The following SETD7 variants were observed in gnomAD, a reference collection of about 807,000 sequenced individuals.
SETD7 encodes histone-lysine N-methyltransferase SETD7.
SETD7 carries 16 observed loss-of-function variants against 41.8 expected under a neutral mutation model. The observed-to-expected ratio is 0.38, with a 90% confidence interval of 0.26 to 0.58. The LOEUF (loss-of-function observed/expected upper bound fraction) is 0.58, where lower values mean the gene tolerates loss of function less well. Among genes scored for constraint, SETD7 ranks in the 20% least tolerant of loss-of-function variants. SETD7 has a pLI of 0.64. For synonymous variants in SETD7, 163 were observed against 169.7 expected, an observed-to-expected ratio of 0.96 and a Z score of 0.31; for missense variants, 346 against 459.7, an observed-to-expected ratio of 0.75 and a Z score of 2.26.
At chr4:139,506,021 A>G (rs749521409), downstream of SETD7, 1 of 152,686 alleles carries the variant, frequency 6.5e-6, no homozygotes, top group East Asian at 1.9e-4. Context: ...AGATGACCAA[A>G]GGAAGACAAT....
intron 7 of SETD7, among the ~76,000 whole-genome samples, chr4:139,498,948 T>C (rs2592965): frequency 2.0e-5 from 3 of 152,180 alleles, no homozygotes; most frequent in African/African-American, 7.2e-5. Flanking sequence ...CTGTCTCTTT[T>C]ACAAATACAA....
At chr4:139,503,114 G>T (rs1726619045), downstream of SETD7, among the ~76,000 whole-genome samples, 1 of 141,414 alleles carries the variant, frequency 7.1e-6, no homozygotes, top group Admixed American at 7.7e-5. Flanking sequence ...GGAGGTGGAG[G>T]TTGCAGTGAG....
At chr4:139,536,537 C>T (rs1353853367) in intron 2 of SETD7, among the ~76,000 whole-genome samples, 1 of 152,006 alleles carries the variant, frequency 6.6e-6, no homozygotes, top group Non-Finnish European at 1.5e-5. Context: ...CATGGTGAAA[C>T]CCCAGCTCTA....
chr4:139,553,099 A>T (rs1728155679), intron 1 of SETD7, among the ~76,000 whole-genome samples: 1 of 152,174 alleles, frequency 6.6e-6, no homozygotes, highest in African/African-American at 2.4e-5. Context: ...CCACAAGAGC[A>T]CAGCCAACAC....
At position 139,518,023 on chromosome 4, in the gene SETD7, G is replaced by A. The variant is rs528763747; in HGVS notation, c.782C>T (p.Ala261Val). 2.5e-6 allele frequency: 4 copies of A among 1,613,224 alleles called. No homozygotes were observed. The African/African-American group carries it at 5.3e-5, about 22-fold the overall frequency. Reference protein sequence around the residue: ...THQEVDSRDWALNGNTLSLDE... With the variant: ...THQEVDSRDWVLNGNTLSLDE... Reference sequence around the variant, plus strand: ...AAGGGAGAGGGTGTTCCCATTAAGGGCCCAGTCCCTGCTGTCAACCTGCAG... The same window carrying A: ...AAGGGAGAGGGTGTTCCCATTAAGGACCCAGTCCCTGCTGTCAACCTGCAG... The change falls in exon 7 of 8, where the codon GCC (alanine) becomes GTC (valine). Residue 261 changes from alanine to valine, a missense_variant. Ala to Val is a moderately conservative substitution (Grantham distance 64). Around this residue, in one of 3 missense-constraint regions of SETD7, gnomAD observed 266 missense variants for 377.0 expected, o/e 0.71. Transcript: ENST00000274031.
Position 139,529,057 on chromosome 4 carries a change from C to G in SETD7, c.536G>C (p.Arg179Thr). 4.3e-6 allele frequency: 7 copies of G among 1,613,928 alleles called. No homozygotes were observed. The highest frequency in any genetic ancestry group is 1.6e-4 in the Middle Eastern group (1 of 6,062). Residue 179 changes from arginine to threonine, a missense_variant, in exon 4 of 8, where the codon AGG becomes ACG. By Grantham distance (71) the Arg-to-Thr change is moderately conservative (BLOSUM62 -1). This residue lies in a region of SETD7 where 266 missense variants were observed against 377.0 expected (regional missense o/e 0.71). Coordinates refer to ENST00000274031, the MANE Select transcript of SETD7 (RefSeq NM_030648.4). ...LATLMSTEEG[R>T]PHFELMPGNS... ...TCCAGGCATCAGTTCAAAGTGAGGC[C>G]TCCCTTCTTCAGTGGACATAAGGGT... is the stretch of plus-strand genomic sequence containing the variant.
chr4:139,544,281 A>G (rs1727866858), intron 2 of SETD7, among the ~76,000 whole-genome samples: 1 of 133,794 alleles, frequency 7.5e-6, no homozygotes, highest in African/African-American at 2.8e-5. Flanking sequence ...CAACGGAGTG[A>G]GAACCCATCT....
chr4:139,529,131 T>C lies in SETD7; in HGVS notation c.462A>G (p.Ala154=). The change falls in exon 4 of 8, where the codon GCA becomes GCG. Residue 154 remains alanine (A), a synonymous_variant. Transcript: ENST00000274031. ...IAYVYPDERT[A]LYGKFIDGEM... Reference sequence around the variant, plus strand: ...CTCCATCAATAAATTTCCCATAAAGTGCGGTCCTCTCATCAGGGTACACAT... The same window carrying C: ...CTCCATCAATAAATTTCCCATAAAGCGCGGTCCTCTCATCAGGGTACACAT... 6.2e-7 allele frequency: 1 copy of C among 1,614,106 alleles called. No homozygotes were observed. The highest frequency in any genetic ancestry group is 8.5e-7 in the Non-Finnish European group (1 of 1,179,994).
rs192271117 is a variant in SETD7 at position 139,520,267 on chromosome 4, C to T, written c.762+10G>A. On this transcript the variant is annotated intron_variant, in intron 6 of 7. Transcript: ENST00000274031. ...AACAAAGTTGATTTTCCACTGTCAG[C>T]CCCACTCACCTCTTGGTGTGTAATT... 1 of 1,412,356 alleles carries T rather than the reference C, an allele frequency of 7.1e-7. No individual in the cohort carries two copies. The highest frequency in any genetic ancestry group is 1.4e-5 in the African/African-American group (1 of 69,760). 87.5% of individuals were successfully genotyped at this position (1,412,356 alleles called of 1,614,324 possible).
chr4:139,545,565 G>A (rs140361393), intron 2 of SETD7, among the ~76,000 whole-genome samples: 4 of 152,156 alleles, frequency 2.6e-5, no homozygotes, highest in South Asian at 2.1e-4. Context: ...TGGGGGCAAC[G>A]GGGAAATGAA....
At chr4:139,526,192 A>C (rs1727325810) in intron 4 of SETD7, among the ~76,000 whole-genome samples, 1 of 152,020 alleles carries the variant, frequency 6.6e-6, no homozygotes. Context: ...CTGGGACTGT[A>C]GGCACACTCT....
chr4:139,513,005 C>T (rs980137556), intron 7 of SETD7, among the ~76,000 whole-genome samples: 1 of 151,930 alleles, frequency 6.6e-6, no homozygotes, highest in Non-Finnish European at 1.5e-5. Context: ...GTGATTGGCC[C>T]ACCTTGGCCT....
chr4:139,520,411 G>GT lies in SETD7; in HGVS notation c.645-18dup. ...ACATAAACCCTAAATTGAAAAAAGA[G>GT]TTGAATAGTGACCTTTTCAGCTTAA... On this transcript the variant is annotated splice_polypyrimidine_tract_variant and intron_variant, in intron 5 of 7. Coordinates refer to ENST00000274031, the MANE Select transcript of SETD7 (RefSeq NM_030648.4). 6.9e-7 allele frequency: 1 copy of GT among 1,458,314 alleles called. No homozygotes were observed. The highest frequency in any genetic ancestry group is 9.5e-7 in the Non-Finnish European group (1 of 1,051,062). 90.3% of individuals were successfully genotyped at this position (1,458,314 alleles called of 1,614,324 possible).
downstream of SETD7, among the ~76,000 whole-genome samples, chr4:139,494,068 CAAGGGGAA>C (rs1726411286): frequency 6.6e-6 from 1 of 152,126 alleles, no homozygotes; most frequent in South Asian, 2.1e-4. Flanking sequence ...CACAGGAAGA[CAAGGGGAA>C]AATGGCTTGT....
chr4:139,540,684 T>C (rs1579220493), intron 2 of SETD7, among the ~76,000 whole-genome samples: 1 of 152,230 alleles, frequency 6.6e-6, no homozygotes, highest in African/African-American at 2.4e-5. Context: ...CCCATTTCAT[T>C]TGCACTCTCT....
intron 7 of SETD7, among the ~76,000 whole-genome samples, chr4:139,497,436 C>T (rs1299855241): frequency 6.7e-6 from 1 of 150,332 alleles, no homozygotes; most frequent in African/African-American, 2.4e-5. Context: ...CCAGCCTGGG[C>T]AACAAGAGCG....
At chr4:139,531,672 A>G (rs1466695641) in intron 3 of SETD7, among the ~76,000 whole-genome samples, 1 of 152,186 alleles carries the variant, frequency 6.6e-6, no homozygotes, top group African/African-American at 2.4e-5. Flanking sequence ...CTATTCCTAG[A>G]TTATAACTTA....
At chr4:139,525,013 C>T (rs994297436) in intron 4 of SETD7, among the ~76,000 whole-genome samples, 4 of 152,158 alleles carry the variant, frequency 2.6e-5, no homozygotes, top group Non-Finnish European at 4.4e-5. Context: ...GATGGGGTTT[C>T]GCCCTGTTGG....
At chr4:139,502,759 C>T (rs767562252), downstream of SETD7, among the ~76,000 whole-genome samples, 4 of 152,000 alleles carry the variant, frequency 2.6e-5, no homozygotes, top group Non-Finnish European at 4.4e-5. Context: ...AACCCCATCA[C>T]GGAGGATGCT....
Sources: allele counts gnomAD v4.1 joint callset (sites outside exome capture counted in the v4.1 genomes callset), GRCh38; gene constraint gnomAD v4.1.1; regional missense constraint gnomAD v4.1.1; transcripts MANE v1.5; gene names NCBI Gene and HGNC (gene_info 2026-07-23, HGNC 2026-07-21).